ZBTB26: variants seen among roughly 807,000 people sequenced by gnomAD.
ZBTB26 encodes zinc finger and BTB domain containing 26.
A neutral mutation model predicts 31.6 loss-of-function variants in ZBTB26; 12 were observed. The observed-to-expected ratio is 0.38, with a 90% CI of 0.24 to 0.61. ZBTB26 has a LOEUF of 0.61. Ranked by LOEUF, ZBTB26 falls within the 20% of genes least tolerant of loss-of-function variation. The pLI is 0.60. For missense variants in ZBTB26, 311 were observed against 521.9 expected (o/e 0.60, Z 3.94); for synonymous variants, 155 against 182.9 (o/e 0.85, Z 1.23).
At chr9:122,925,729 G>C (rs1833167046) in intron 1 of ZBTB26, among the ~76,000 whole-genome samples, 1 of 150,612 alleles carries the variant, frequency 6.6e-6, no homozygotes, top group Non-Finnish European at 1.5e-5. Flanking sequence ...CTCCTGAGTA[G>C]CTGGGATTAC....
At position 122,919,694 on chromosome 9, in the gene ZBTB26, C is replaced by A; in HGVS notation, c.241G>T (p.Gly81Trp). 1 of 1,614,210 alleles carries A rather than the reference C, an allele frequency of 6.2e-7. No homozygotes were observed. Among genetic ancestry groups the A allele is most frequent in the Non-Finnish European group, 8.5e-7 (1 of 1,180,040 alleles). ...TAACAGGATAAGAGCAATTGTCTCC[C>A]CACTTCGGAACTCTGTAATATGGAG... ...KISILQSSEV[G>W]RQLLLSCYSG... The change falls in exon 2 of 2, where the codon GGG (glycine) becomes TGG (tryptophan). Residue 81 changes from glycine to tryptophan, a missense_variant. Gly to Trp is a radical substitution (Grantham distance 184). This residue lies in a region of ZBTB26 where 207 missense variants were observed against 298.6 expected (regional missense o/e 0.69). Coordinates refer to ENST00000373656, the MANE Select transcript of ZBTB26 (RefSeq NM_020924.4). The surrounding 1 kb of genome is among the most constrained non-coding windows in gnomAD (Gnocchi z 6.1).
chr9:122,927,595 C>G (rs2539924), intron 1 of ZBTB26, among the ~76,000 whole-genome samples: 109,330 of 152,070 alleles, frequency 0.72, 41,573 homozygotes, highest in Middle Eastern at 0.87. Flanking sequence ...TATACTACAG[C>G]CTTTCTCTCT....
rs148179370 is a variant in ZBTB26, at chr9:122,922,496, T to C, written c.-10-2552A>G. Among the ~76,000 whole-genome samples, 3 of 152,362 alleles carry C rather than the reference T, an allele frequency of 2.0e-5. No homozygotes were observed. In the East Asian group the frequency reaches 5.8e-4, roughly 29 times the overall value. ...AACTTGCATCTTCTAAGACAAAATATTCTTTACTTTTGCTTTGAATTATAT... is the reference window on the plus strand; with the variant it reads ...AACTTGCATCTTCTAAGACAAAATACTCTTTACTTTTGCTTTGAATTATAT... On this transcript the variant is annotated intron_variant, in intron 1 of 1. Coordinates refer to ENST00000373656, the MANE Select transcript of ZBTB26 (RefSeq NM_020924.4).
intron 1 of ZBTB26, among the ~76,000 whole-genome samples, chr9:122,928,271 G>A (rs1833213815): frequency 6.6e-6 from 1 of 151,932 alleles, no homozygotes; most frequent in African/African-American, 2.4e-5. Flanking sequence ...AGCAATTTAT[G>A]TTGATGAATA....
intron 1 of ZBTB26, among the ~76,000 whole-genome samples, chr9:122,927,078 A>G (rs189258408): frequency 2.8e-4 from 42 of 151,742 alleles, no homozygotes; most frequent in Admixed American, 1.6e-3. Flanking sequence ...ATGATCACCA[A>G]CTCCTCACTC....
chr9:122,919,740 A>G lies in ZBTB26; in HGVS notation c.195T>C (p.Asn65=), dbSNP rs377293260. 1.1e-5 allele frequency: 18 copies of G among 1,614,062 alleles called. No individual in the cohort carries two copies. The African/African-American group carries it at 2.4e-4, about 22-fold the overall frequency. The part of the protein sequence containing the change: ...SPFLRDQFLL[N]DSREVKISIL... ...TGGAGATTTTCACCTCTCTGGAATC[A>G]TTCAGTAAAAATTGGTCTCTTAAGA... is the stretch of plus-strand genomic sequence containing the variant. Residue 65 remains asparagine, a synonymous_variant, in exon 2 of 2, where the codon AAT becomes AAC. Transcript: ENST00000373656. The surrounding 1 kb of genome is among the most constrained non-coding windows in gnomAD (Gnocchi z 6.1).
In ZBTB26 at chr9:122,918,109, ATT is replaced by A. The variant is rs1833039038; in HGVS notation, c.*498_*499del. 1 of 155,996 alleles carries A rather than the reference ATT, an allele frequency of 6.4e-6. No homozygotes were observed. Among genetic ancestry groups the A allele is most frequent in the Admixed American group, 6.3e-5 (1 of 15,932 alleles). 9.7% of individuals were successfully genotyped at this position (155,996 alleles called of 1,614,324 possible). On this transcript the variant is annotated 3_prime_UTR_variant, in exon 2 of 2. Coordinates refer to ENST00000373656, the MANE Select transcript of ZBTB26 (RefSeq NM_020924.4). Reference sequence around the variant, plus strand: ...GACAAGTACAAATGGTAGGAAGCAGATTCATTTATCAGACATGGAGGAATAAT... The same window carrying A: ...GACAAGTACAAATGGTAGGAAGCAGACATTTATCAGACATGGAGGAATAAT...
Position 122,918,003 on chromosome 9 carries a change from T to C in ZBTB26, c.*606A>G, listed in dbSNP as rs2131533827. 6.5e-6 allele frequency: 1 copy of C among 153,214 alleles called. No homozygotes were observed. Among genetic ancestry groups the C allele is most frequent in the South Asian group, 2.1e-4 (1 of 4,852 alleles). 9.5% of individuals were successfully genotyped at this position (153,214 alleles called of 1,614,324 possible). A position where few individuals can be genotyped will look rare whatever the true frequency, so the allele number is the denominator to read the frequency against. On this transcript the variant is annotated 3_prime_UTR_variant, in exon 2 of 2. Transcript: ENST00000373656. ...AGAGTACTCTGGTATATGTGAACAATTCAATGAGATGAAGTTGGGCTATGA... is the reference window on the plus strand; with the variant it reads ...AGAGTACTCTGGTATATGTGAACAACTCAATGAGATGAAGTTGGGCTATGA...
At chr9:122,931,036 C>T (rs1160546196) in intron 1 of ZBTB26, 3 of 152,202 alleles carry the variant, frequency 2.0e-5, no homozygotes, top group African/African-American at 7.2e-5. Flanking sequence ...AGGGGAAAAC[C>T]CCAGCAAAAG....
At position 122,919,088 on chromosome 9, in the gene ZBTB26, G is replaced by C; in HGVS notation, c.847C>G (p.Arg283Gly). The change falls in exon 2 of 2, where the codon CGT becomes GGT. Residue 283 changes from arginine (R) to glycine (G), a missense_variant. By Grantham distance (125) the Arg-to-Gly change is moderately radical (BLOSUM62 -2). Coordinates refer to ENST00000373656, the MANE Select transcript of ZBTB26 (RefSeq NM_020924.4). This position sits in a 1 kb window ranked among gnomAD's most constrained non-coding sequence, Gnocchi z 6.1. ...TGGTTGGCGTAGTTCTCCAGGTGAC[G>C]AAACACCCTGGTACACTTTGGGCAC... ...HQCPKCTRVFRHLENYANHLK... is the reference protein window; with the variant it reads ...HQCPKCTRVFGHLENYANHLK... 1 of 1,614,194 alleles carries C rather than the reference G, an allele frequency of 6.2e-7. No individual in the cohort carries two copies. The highest frequency in any genetic ancestry group is 8.5e-7 in the Non-Finnish European group (1 of 1,180,026).
intron 1 of ZBTB26, among the ~76,000 whole-genome samples, chr9:122,926,461 T>C (rs1490913496): frequency 2.0e-5 from 3 of 149,898 alleles, no homozygotes; most frequent in Non-Finnish European, 4.4e-5. Context: ...GAGCTGAGAT[T>C]GTGCCACTGC....
At chr9:122,921,971 G>C (rs1833106262) in intron 1 of ZBTB26, among the ~76,000 whole-genome samples, 1 of 151,910 alleles carries the variant, frequency 6.6e-6, no homozygotes, top group Non-Finnish European at 1.5e-5. Flanking sequence ...CAGGCATGGT[G>C]GCTCATGCCT....
Position 122,919,614 on chromosome 9 carries a change from T to C in ZBTB26, c.321A>G (p.Ala107=), listed in dbSNP as rs1833066518. 6.2e-7 allele frequency: 1 copy of C among 1,614,066 alleles called. No individual in the cohort carries two copies. The highest frequency in any genetic ancestry group is 1.3e-5 in the African/African-American group (1 of 74,934). ...CAATGTGGCTCATCTGAAGAAAACT[T>C]GCAGCAGTCAAGTAATTTACCAGTT... ...EMELVNYLTA[A]SFLQMSHIVE... is the part of the protein sequence containing the mutation. Residue 107 remains alanine (A), a synonymous_variant, in exon 2 of 2, where the codon GCA becomes GCG. Coordinates refer to ENST00000373656, the MANE Select transcript of ZBTB26 (RefSeq NM_020924.4). The surrounding 1 kb of genome is among the most constrained non-coding windows in gnomAD (Gnocchi z 6.1).
Position 122,917,226 on chromosome 9 carries a change from G to A in ZBTB26, c.*1383C>T, listed in dbSNP as rs1298067443. 1 of 152,178 alleles carries A rather than the reference G, an allele frequency of 6.6e-6. No individual in the cohort carries two copies. Among genetic ancestry groups the A allele is most frequent in the Non-Finnish European group, 1.5e-5 (1 of 68,026 alleles). The allele number at this position is 152,178 out of a possible 1,614,324, so 9.4% of individuals were successfully genotyped here. ...TTCTTCATGTACTAAATCTTTTAAAGCCAAGGGATAGCGAGAAGAAGGAAG... is the reference window on the plus strand; with the variant it reads ...TTCTTCATGTACTAAATCTTTTAAAACCAAGGGATAGCGAGAAGAAGGAAG... On this transcript the variant is annotated 3_prime_UTR_variant, in exon 2 of 2. Coordinates refer to ENST00000373656, the MANE Select transcript of ZBTB26 (RefSeq NM_020924.4).
At chr9:122,925,199 C>G (rs1209815022) in intron 1 of ZBTB26, among the ~76,000 whole-genome samples, 1 of 151,880 alleles carries the variant, frequency 6.6e-6, no homozygotes, top group Non-Finnish European at 1.5e-5. Context: ...ACGGTGAAAC[C>G]CCGTCTCTAC....
At chr9:122,923,732 C>T (rs1023188294) in intron 1 of ZBTB26, among the ~76,000 whole-genome samples, 9 of 152,218 alleles carry the variant, frequency 5.9e-5, no homozygotes, top group Non-Finnish European at 8.8e-5. Flanking sequence ...ACAGTACTCA[C>T]AATGCTTTAG....
Position 122,931,467 on chromosome 9 carries a change from G to C in ZBTB26, c.-41C>G, listed in dbSNP as rs942067689. On this transcript the variant is annotated 5_prime_UTR_variant, in exon 1 of 2. Coordinates refer to ENST00000373656, the MANE Select transcript of ZBTB26 (RefSeq NM_020924.4). ...CGGGGGAAGGCCGCCGTCAGGATCC[G>C]GCACCGCCAGGAGCTCCGGCCCCTC... 6.6e-6 allele frequency: 1 copy of C among 152,562 alleles called. No homozygotes were observed. Among genetic ancestry groups the C allele is most frequent in the Non-Finnish European group, 1.5e-5 (1 of 68,212 alleles). 9.5% of individuals were successfully genotyped at this position (152,562 alleles called of 1,614,324 possible).
Position 122,919,200 on chromosome 9 carries a change from T to C in ZBTB26, c.735A>G (p.Thr245=). ...AGGCCATGATGATGTTATCACTGCC[T>C]GTATAAGAAAGGGCATAATTGTGGA... ...NHLHNYALSY[T]GSDNIIMASK... Residue 245 remains threonine, a synonymous_variant, in exon 2 of 2, where the codon ACA becomes ACG. Coordinates refer to ENST00000373656, the MANE Select transcript of ZBTB26 (RefSeq NM_020924.4). The surrounding 1 kb of genome is among the most constrained non-coding windows in gnomAD (Gnocchi z 6.1). 1 of 1,614,246 alleles carries C rather than the reference T, an allele frequency of 6.2e-7. No individual in the cohort carries two copies. The highest frequency in any genetic ancestry group is 1.3e-5 in the African/African-American group (1 of 75,062).
intron 1 of ZBTB26, among the ~76,000 whole-genome samples, chr9:122,930,504 C>T (rs1833255894): frequency 6.6e-6 from 1 of 152,220 alleles, no homozygotes; most frequent in Admixed American, 6.5e-5. Flanking sequence ...TGTCTAAATG[C>T]AGTTAATAGA....
Sources: allele counts gnomAD v4.1 joint callset (sites outside exome capture counted in the v4.1 genomes callset), GRCh38; gene constraint gnomAD v4.1.1; regional missense constraint gnomAD v4.1.1; non-coding constraint Gnocchi (gnomAD v3.1); transcripts MANE v1.5; gene names NCBI Gene and HGNC (gene_info 2026-07-23, HGNC 2026-07-21).